Variants in KY observed in about 807,000 individuals in gnomAD.
The protein encoded by KY is kyphoscoliosis peptidase.
Under a neutral mutation model 76.1 loss-of-function variants are expected in KY, and 43 were observed. The ratio of observed to expected loss-of-function variants is 0.57; its 90% confidence interval spans 0.44 to 0.73. KY has a LOEUF of 0.73. Among genes scored for constraint, KY ranks in the 30% least tolerant of loss-of-function variants. KY has a pLI of 0.00. For missense variants in KY, 722 were observed against 828.9 expected (o/e 0.87, Z 1.58); for synonymous variants, 277 against 326.2 (o/e 0.85, Z 1.63).
intron 6 of KY, among the ~76,000 whole-genome samples, chr3:134,621,201 G>A (rs1161659667): frequency 1.3e-5 from 2 of 152,164 alleles, no homozygotes; most frequent in Non-Finnish European, 2.9e-5. Context: ...ATAGCTTTTT[G>A]TGCTGAAATG....
At chr3:134,634,808 G>A (rs139866363) in intron 3 of KY, among the ~76,000 whole-genome samples, 31 of 152,308 alleles carry the variant, frequency 2.0e-4, no homozygotes, top group Admixed American at 5.2e-4. Context: ...TGGGACTTGA[G>A]TATGCCCACA....
intron 10 of KY, chr3:134,607,893 G>C (rs1959523106): frequency 2.0e-6 from 2 of 991,446 alleles, no homozygotes; most frequent in Non-Finnish European, 2.4e-6. Context: ...GCTGGAGCTT[G>C]GCCCTCATCC....
chr3:134,636,983 T>C (rs1965065373), intron 3 of KY, among the ~76,000 whole-genome samples: 3 of 152,396 alleles, frequency 2.0e-5, no homozygotes, highest in Middle Eastern at 3.4e-3. Context: ...GCCTGCTAAA[T>C]GCATTGCAAT....
intron 1 of KY, among the ~76,000 whole-genome samples, chr3:134,650,163 A>AT (rs1331850854): frequency 2.0e-5 from 3 of 152,174 alleles, no homozygotes; most frequent in Non-Finnish European, 4.4e-5. Flanking sequence ...CAGTCACTTT[A>AT]TTTTACCAAT....
intron 2 of KY, among the ~76,000 whole-genome samples, chr3:134,647,053 A>G (rs745972927): frequency 6.6e-6 from 1 of 152,212 alleles, no homozygotes; most frequent in Non-Finnish European, 1.5e-5. Flanking sequence ...TTCAAGTCAT[A>G]CTGTCCCAAG....
intron 6 of KY, among the ~76,000 whole-genome samples, chr3:134,624,041 G>A (rs913075632): frequency 1.1e-4 from 16 of 152,196 alleles, no homozygotes; most frequent in Non-Finnish European, 7.3e-5. Context: ...TCCCCTGGAT[G>A]TGCCACAGAC....
Position 134,643,402 on chromosome 3 carries a change from C to T in KY, c.200-24G>A, listed in dbSNP as rs759350222. Reference sequence around the variant, plus strand: ...TTCTATTTAAGGAAGACAGAGAGGCCTGCAGTGACCACTGGGGAATTTTCC... The same window carrying T: ...TTCTATTTAAGGAAGACAGAGAGGCTTGCAGTGACCACTGGGGAATTTTCC... On this transcript the variant is annotated intron_variant, in intron 2 of 10. Transcript: ENST00000423778. 8.7e-6 allele frequency: 14 copies of T among 1,604,850 alleles called. 1 individual carries two copies. In the East Asian group the frequency reaches 1.1e-4, roughly 13 times the overall value.
At chr3:134,627,464 C>T (rs1963608384) in intron 5 of KY, among the ~76,000 whole-genome samples, 1 of 152,182 alleles carries the variant, frequency 6.6e-6, no homozygotes, top group African/African-American at 2.4e-5. Flanking sequence ...TTAAAGTTAA[C>T]ATAATCCTGA....
chr3:134,646,159 G>A (rs539151372), intron 2 of KY, among the ~76,000 whole-genome samples: 3 of 152,300 alleles, frequency 2.0e-5, no homozygotes, highest in Non-Finnish European at 2.9e-5. Context: ...CTGGGGGTCT[G>A]ATTCTTATTA....
At chr3:134,646,527 A>C (rs1414515446) in intron 2 of KY, among the ~76,000 whole-genome samples, 1 of 152,184 alleles carries the variant, frequency 6.6e-6, no homozygotes, top group Non-Finnish European at 1.5e-5. Flanking sequence ...CCTGGCACAA[A>C]GTAAGCACTA....
chr3:134,606,811 C>T (rs1959248180), intron 10 of KY, among the ~76,000 whole-genome samples: 1 of 151,582 alleles, frequency 6.6e-6, no homozygotes, highest in African/African-American at 2.4e-5. Flanking sequence ...TTCCAGTCCC[C>T]TCTTCCTCCT....
chr3:134,645,705 G>A (rs760071721), intron 2 of KY, among the ~76,000 whole-genome samples: 5 of 152,228 alleles, frequency 3.3e-5, no homozygotes, highest in Non-Finnish European at 7.3e-5. Flanking sequence ...CCTCTGTCCA[G>A]CCCTGCATTT....
At chr3:134,624,899 C>G (rs1426970503) in intron 6 of KY, among the ~76,000 whole-genome samples, 154 bp downstream of exon 6, 1 of 152,182 alleles carries the variant, frequency 6.6e-6, no homozygotes. Flanking sequence ...CTAGTGCCTT[C>G]TGTCCCCACC....
At chr3:134,637,164 T>C (rs1345268316) in intron 3 of KY, among the ~76,000 whole-genome samples, 2 of 152,210 alleles carry the variant, frequency 1.3e-5, no homozygotes, top group Admixed American at 1.3e-4. Context: ...GCATATTCAA[T>C]GTTGAGAGAA....
At position 134,600,652 on chromosome 3, in the gene KY, G is replaced by A. The variant is rs1958923436; in HGVS notation, c.*2927C>T. 6.6e-6 allele frequency among the ~76,000 whole-genome samples: 1 copy of A among 152,158 alleles called. No individual in the cohort carries two copies. The highest frequency in any genetic ancestry group is 2.1e-4 in the South Asian group (1 of 4,826). On this transcript the variant is annotated 3_prime_UTR_variant, in exon 11 of 11. Coordinates refer to ENST00000423778, the MANE Select transcript of KY (RefSeq NM_178554.6). ...CCTGGGGGCTGCCATCCTGAGAATT[G>A]CAAGCAGATACTTTCTGAGTTTGAT...
intron 8 of KY, among the ~76,000 whole-genome samples, chr3:134,613,721 T>C (rs756001246): frequency 2.0e-5 from 3 of 152,256 alleles, no homozygotes; most frequent in Non-Finnish European, 4.4e-5. Context: ...GATATTTTAT[T>C]ACCTGGCAGC....
At chr3:134,606,343 G>A (rs1959200414) in intron 10 of KY, among the ~76,000 whole-genome samples, 1 of 152,188 alleles carries the variant, frequency 6.6e-6, no homozygotes. Flanking sequence ...GGAGAAGCCT[G>A]TCTCTTCCTG....
Position 134,650,935 on chromosome 3 carries a change from GCGT to G in KY, c.23_25del (p.Asn8_Ala9delinsThr). 1 of 1,613,374 alleles carries G rather than the reference GCGT, an allele frequency of 6.2e-7. No homozygotes were observed. The highest frequency in any genetic ancestry group is 1.1e-5 in the South Asian group (1 of 91,090). On this transcript the variant is annotated inframe_deletion, in exon 1 of 11. Transcript: ENST00000423778. The stretch of plus-strand genomic sequence containing the variant: ...GATCAGCAGCATGTCGATAGATACA[GCGT>G]TGATGTCCTTCTTCAGCTCCATGAT...
Position 134,619,269 on chromosome 3 carries a change from T to C in KY, c.593-4A>G, listed in dbSNP as rs979537655. On this transcript the variant is annotated splice_polypyrimidine_tract_variant and splice_region_variant and intron_variant, in intron 7 of 10. Transcript: ENST00000423778. Reference sequence around the variant, plus strand: ...TGAGCAGCTGCAATGTCATACTCTATAGGGCAGGTGAGGGGATCATGAAGA... The same window carrying C: ...TGAGCAGCTGCAATGTCATACTCTACAGGGCAGGTGAGGGGATCATGAAGA... 5.6e-6 allele frequency: 9 copies of C among 1,608,114 alleles called. No individual in the cohort carries two copies. Among genetic ancestry groups the C allele is most frequent in the Non-Finnish European group, 7.7e-6 (9 of 1,174,600 alleles).
Sources: gnomAD v4.1 joint callset for allele counts (sites outside exome capture counted in the v4.1 genomes callset) on GRCh38, gnomAD v4.1.1 for gene constraint, MANE v1.5 for transcripts, NCBI Gene and HGNC (gene_info 2026-07-23, HGNC 2026-07-21) for gene names.